The following CENPP variants were observed in gnomAD, a reference collection of about 807,000 sequenced individuals.
The protein encoded by CENPP is centromere protein P.
In CENPP, 24 loss-of-function variants were observed where a neutral mutation model predicts 35.6. The ratio of observed to expected loss-of-function variants is 0.67; its 90% CI spans 0.49 to 0.95. The LOEUF (loss-of-function observed/expected upper bound fraction) is 0.95, where lower values mean the gene tolerates loss of function less well. Among genes scored for constraint, CENPP ranks in the 40% least tolerant of loss-of-function variants. The pLI, the probability that CENPP is intolerant of heterozygous loss-of-function variation, is 0.00. For missense variants in CENPP, 332 were observed against 345.3 expected (o/e 0.96, Z 0.31); for synonymous variants, 120 against 125.5 (o/e 0.96, Z 0.29).
chr9:92,399,768 C>G (rs1022816337), intron 5 of CENPP, among the ~76,000 whole-genome samples: 12 of 152,140 alleles, frequency 7.9e-5, no homozygotes, highest in Admixed American at 6.5e-4. Flanking sequence ...ATTTTTGCTT[C>G]AGTGATTTAG....
At chr9:92,551,550 G>A (rs192002328) in intron 5 of CENPP, among the ~76,000 whole-genome samples, 1 of 151,710 alleles carries the variant, frequency 6.6e-6, no homozygotes, top group East Asian at 1.9e-4. Context: ...TAAGTTATTG[G>A]GGTACAGATG....
Position 92,335,269 on chromosome 9 carries a change from G to A in CENPP, c.290-2272G>A, listed in dbSNP as rs1448660271. ...TATATGCAATTTATGTATGCATAGT[G>A]TTCATCTATAAAGAAAAAATAAAGC... On this transcript the variant is annotated intron_variant, in intron 2 of 7. Coordinates refer to ENST00000375587, the MANE Select transcript of CENPP (RefSeq NM_001012267.3). 2.0e-5 allele frequency among the ~76,000 whole-genome samples: 3 copies of A among 152,150 alleles called. No homozygotes were observed. In the East Asian group the frequency reaches 5.8e-4, roughly 29 times the overall value.
At chr9:92,496,212 G>T (rs937620873) in intron 5 of CENPP, 77 of 1,454,324 alleles carry the variant, frequency 5.3e-5, no homozygotes, top group Non-Finnish European at 6.6e-5. Context: ...AGCATATAAT[G>T]ATACTGAGTA....
At chr9:92,495,548 A>C (rs1001614356) in intron 5 of CENPP, 1 of 980,626 alleles carries the variant, frequency 1.0e-6, no homozygotes, top group African/African-American at 1.8e-5. Context: ...ACTGCTTTTC[A>C]AAAAATGTCT....
rs1285060706 is a variant in CENPP, at chr9:92,615,987, C to T, written c.*2838C>T. 6.2e-7 allele frequency: 1 copy of T among 1,614,014 alleles called. No individual in the cohort carries two copies. Among genetic ancestry groups the T allele is most frequent in the African/African-American group, 1.3e-5 (1 of 74,908 alleles). ...GGAATGCTCTCGTAGGGCTTGAGGT[C>T]AAGGTCCAGCACAGACACGGAAAAG... On this transcript the variant is annotated 3_prime_UTR_variant, in exon 8 of 8. Transcript: ENST00000375587.
intron 5 of CENPP, among the ~76,000 whole-genome samples, chr9:92,555,533 A>G (rs1849707329): frequency 6.6e-6 from 1 of 151,980 alleles, no homozygotes; most frequent in Non-Finnish European, 1.5e-5. Flanking sequence ...CTGGCCAGTA[A>G]TTTTTTAATT....
At chr9:92,419,576 G>T (rs956711415) in intron 5 of CENPP, among the ~76,000 whole-genome samples, 1 of 152,048 alleles carries the variant, frequency 6.6e-6, no homozygotes, top group South Asian at 2.1e-4. Context: ...TGGGATTACG[G>T]GCGTGAGCCA....
intron 5 of CENPP, among the ~76,000 whole-genome samples, chr9:92,392,163 T>G (rs1275483170): frequency 6.6e-6 from 1 of 152,136 alleles, no homozygotes; most frequent in Non-Finnish European, 1.5e-5. Context: ...TTGCTAGAAG[T>G]TCAAGATTGA....
intron 5 of CENPP, among the ~76,000 whole-genome samples, chr9:92,486,104 G>A (rs888420910): frequency 1.3e-5 from 2 of 152,142 alleles, no homozygotes; most frequent in Non-Finnish European, 2.9e-5. Flanking sequence ...TAGGGGTGGG[G>A]GTGTCAAGGG....
chr9:92,340,590 A>G (rs554034847), intron 3 of CENPP: 1,711 of 152,832 alleles, frequency 0.011, 21 homozygotes, highest in South Asian at 0.019. Flanking sequence ...TGAAGATTTC[A>G]TGGACATTTA....
intron 5 of CENPP, among the ~76,000 whole-genome samples, chr9:92,542,013 C>G (rs1437009430): frequency 6.6e-6 from 1 of 152,030 alleles, no homozygotes; most frequent in Non-Finnish European, 1.5e-5. Context: ...AGGCTGGTCT[C>G]AAACTCCTGA....
rs575398278 is a variant in CENPP at position 92,334,248 on chromosome 9, G to A, written c.289+1897G>A. On this transcript the variant is annotated intron_variant, in intron 2 of 7. Transcript: ENST00000375587. ...CAATTCTCCTGCCTCAGCCTCCCGC[G>A]TAGCTGGGACTACAGGCACGCAGTG... Among the ~76,000 whole-genome samples the A allele has an allele frequency of 2.7e-3, 414 of 151,542 alleles. 2 individuals are homozygous for A. Among genetic ancestry groups the A allele is most frequent in the Middle Eastern group, 0.01 (3 of 292 alleles).
chr9:92,423,797 A>G (rs1417002445), intron 5 of CENPP, among the ~76,000 whole-genome samples: 1 of 152,164 alleles, frequency 6.6e-6, no homozygotes, highest in Non-Finnish European at 1.5e-5. Flanking sequence ...AATGCCCATC[A>G]ACCCCCCAAC....
Position 92,433,038 on chromosome 9 carries a change from C to T in CENPP, c.564+53179C>T, listed in dbSNP as rs1287404181. On this transcript the variant is annotated intron_variant, in intron 5 of 7. Coordinates refer to ENST00000375587, the MANE Select transcript of CENPP (RefSeq NM_001012267.3). The stretch of plus-strand genomic sequence containing the variant: ...AAACATACCGTGAGATACCACAAAG[C>T]AAAAAGGCATTTGGGGAGTGCCTTA... Among the ~76,000 whole-genome samples, 7 of 152,174 alleles carry T rather than the reference C, an allele frequency of 4.6e-5. No individual in the cohort carries two copies. In the East Asian group the frequency reaches 1.4e-3, roughly 29 times the overall value.
chr9:92,490,675 A>G (rs1220875297), intron 5 of CENPP, among the ~76,000 whole-genome samples: 1 of 152,258 alleles, frequency 6.6e-6, no homozygotes, highest in East Asian at 1.9e-4. Context: ...GTATGTTTAA[A>G]TGATGGCTTT....
intron 5 of CENPP, chr9:92,404,709 T>C (rs1323945510): frequency 8.5e-7 from 1 of 1,178,706 alleles, no homozygotes; most frequent in African/African-American, 1.7e-5. Context: ...TGTGTTGTAC[T>C]AGAGAACTGT....
intron 4 of CENPP, among the ~76,000 whole-genome samples, chr9:92,371,869 TG>T (rs1564282982): frequency 6.7e-6 from 1 of 149,202 alleles, no homozygotes; most frequent in African/African-American, 2.4e-5. Flanking sequence ...TATTTGTTGT[TG>T]TTTTTTTTTT....
intron 5 of CENPP, among the ~76,000 whole-genome samples, chr9:92,556,606 A>C (rs927068689): frequency 6.6e-6 from 1 of 152,124 alleles, no homozygotes; most frequent in Non-Finnish European, 1.5e-5. Context: ...GTCTCTTTTA[A>C]CTGCTATTGC....
chr9:92,386,773 G>A (rs867417508), intron 5 of CENPP, among the ~76,000 whole-genome samples: 2 of 152,042 alleles, frequency 1.3e-5, no homozygotes, highest in African/African-American at 2.4e-5. Context: ...TAGTAGAGAC[G>A]AGGTTTCACC....
Sources: allele counts gnomAD v4.1 joint callset (sites outside exome capture counted in the v4.1 genomes callset), GRCh38; gene constraint gnomAD v4.1.1; transcripts MANE v1.5; gene names NCBI Gene and HGNC (gene_info 2026-07-23, HGNC 2026-07-21).